The following TSPAN15 variants were observed in gnomAD, a reference collection of about 807,000 sequenced individuals.
The protein encoded by TSPAN15 is tetraspanin-15.
A neutral mutation model predicts 34.5 loss-of-function variants in TSPAN15; 20 were observed. The observed-to-expected ratio is 0.58, with a 90% confidence interval of 0.41 to 0.84. The LOEUF (loss-of-function observed/expected upper bound fraction) is 0.84, where lower values mean the gene tolerates loss of function less well. TSPAN15 is among the 40% of genes least tolerant of loss of function. The pLI is 0.00. For missense variants in TSPAN15, 313 were observed against 386.1 expected (o/e 0.81, Z 1.59); for synonymous variants, 155 against 153.9 (o/e 1.01, Z -0.05).
chr10:69,479,268 C>T (rs1841680719), intron 1 of TSPAN15, among the ~76,000 whole-genome samples: 1 of 152,232 alleles, frequency 6.6e-6, no homozygotes, highest in Admixed American at 6.5e-5. Context: ...CTTCAGGAGG[C>T]ACAGGTGCTG....
At chr10:69,479,491 C>T (rs1263722829) in intron 1 of TSPAN15, among the ~76,000 whole-genome samples, 1 of 152,232 alleles carries the variant, frequency 6.6e-6, no homozygotes, top group African/African-American at 2.4e-5. Flanking sequence ...ACGCACTTTC[C>T]CTCTTTGGCC....
rs1842028498 is a variant in TSPAN15, at chr10:69,494,182, C to T, written c.358-1412C>T. On this transcript the variant is annotated intron_variant, in intron 3 of 7. Coordinates refer to ENST00000373290, the MANE Select transcript of TSPAN15 (RefSeq NM_012339.5). ...CAGGGTGTTGTGAGAGTGGGGTTGG[C>T]CAGGACTCGTGCCTCAGAGGCTGCC... Among the ~76,000 whole-genome samples, 4 of 152,248 alleles carry T rather than the reference C, an allele frequency of 2.6e-5. No individual in the cohort carries two copies. The South Asian group carries it at 8.3e-4, about 32-fold the overall frequency.
the TSPAN15 span, among the ~76,000 whole-genome samples, chr10:69,531,951 CA>C: frequency 0.011 from 1,585 of 144,890 alleles, 27 homozygotes; most frequent in African/African-American, 0.036. Flanking sequence ...AAAAAAAAAA[CA>C]AAAAAAAAAC....
At chr10:69,477,494 T>C (rs988031951) in intron 1 of TSPAN15, among the ~76,000 whole-genome samples, 18 of 152,178 alleles carry the variant, frequency 1.2e-4, no homozygotes, top group African/African-American at 4.3e-4. Context: ...AGAGATGCTC[T>C]AGACTTGTGC....
At chr10:69,476,945 C>T (rs1434782479) in intron 1 of TSPAN15, among the ~76,000 whole-genome samples, 5 of 152,080 alleles carry the variant, frequency 3.3e-5, no homozygotes, top group East Asian at 1.9e-4. Context: ...GGCCCTTTAG[C>T]GGTTTGGATT....
chr10:69,538,051 T>G, the TSPAN15 span, among the ~76,000 whole-genome samples: 2 of 152,220 alleles, frequency 1.3e-5, no homozygotes, highest in Non-Finnish European at 2.9e-5. Context: ...GAGGAAGCCC[T>G]GGAGTCTCTT....
chr10:69,548,689 G>C, the TSPAN15 span, among the ~76,000 whole-genome samples: 1 of 152,004 alleles, frequency 6.6e-6, no homozygotes, highest in Non-Finnish European at 1.5e-5. Context: ...GATTTTTACA[G>C]AGAAAGTTTC....
At chr10:69,459,635 G>T (rs1841199525) in intron 1 of TSPAN15, among the ~76,000 whole-genome samples, 1 of 152,180 alleles carries the variant, frequency 6.6e-6, no homozygotes. Context: ...CTGCGCTGTG[G>T]GTGGAGAGGG....
chr10:69,488,057 G>C (rs999543080), intron 3 of TSPAN15, among the ~76,000 whole-genome samples: 3 of 152,088 alleles, frequency 2.0e-5, no homozygotes, highest in Non-Finnish European at 4.4e-5. Context: ...GAAAAAAATA[G>C]GTCTACAAAA....
At chr10:69,469,365 A>G (rs142127799) in intron 1 of TSPAN15, among the ~76,000 whole-genome samples, 257 of 152,318 alleles carry the variant, frequency 1.7e-3, no homozygotes, top group African/African-American at 5.6e-3. Flanking sequence ...CAAATTATCA[A>G]ACTTGGAGAA....
the TSPAN15 span, among the ~76,000 whole-genome samples, chr10:69,543,495 CT>C: frequency 1.3e-5 from 2 of 152,182 alleles, no homozygotes; most frequent in Non-Finnish European, 2.9e-5. Flanking sequence ...TCCAAGGGGA[CT>C]ACTAGCAGCC....
chr10:69,542,558 C>T, the TSPAN15 span, among the ~76,000 whole-genome samples: 1 of 152,176 alleles, frequency 6.6e-6, no homozygotes, highest in East Asian at 1.9e-4. Context: ...CATGGTTCTG[C>T]AGGGCTGGGG....
At chr10:69,544,602 T>G in the TSPAN15 span, among the ~76,000 whole-genome samples, 1 of 152,326 alleles carries the variant, frequency 6.6e-6, no homozygotes, top group East Asian at 1.9e-4. Flanking sequence ...TGCCCTTAAC[T>G]TTGGTTGCCC....
chr10:69,525,302 G>C, the TSPAN15 span, among the ~76,000 whole-genome samples: 1 of 147,476 alleles, frequency 6.8e-6, no homozygotes, highest in Non-Finnish European at 1.5e-5. Flanking sequence ...CTTACAGGAT[G>C]CATTTAAAAC....
chr10:69,513,470 G>A, the TSPAN15 span, among the ~76,000 whole-genome samples: 2 of 152,080 alleles, frequency 1.3e-5, no homozygotes, highest in Non-Finnish European at 2.9e-5. Flanking sequence ...GCCTCCTAAA[G>A]TGCTGGGATT....
intron 1 of TSPAN15, among the ~76,000 whole-genome samples, chr10:69,469,069 TGG>T (rs1216068755): frequency 6.3e-5 from 1 of 15,972 alleles, no homozygotes; most frequent in Non-Finnish European, 1.3e-4. Flanking sequence ...AGGGTGAGGG[TGG>T]GGGTGGGGGT....
At chr10:69,520,640 A>G in the TSPAN15 span, among the ~76,000 whole-genome samples, 1 of 152,226 alleles carries the variant, frequency 6.6e-6, no homozygotes, top group Admixed American at 6.5e-5. Flanking sequence ...TGGGCGACAG[A>G]GCAAGACCTT....
At chr10:69,514,359 T>C in the TSPAN15 span, among the ~76,000 whole-genome samples, 1 of 152,238 alleles carries the variant, frequency 6.6e-6, no homozygotes, top group Non-Finnish European at 1.5e-5. Flanking sequence ...ATCAGAGTCA[T>C]GCTGGCTTCA....
chr10:69,543,254 G>T, the TSPAN15 span, among the ~76,000 whole-genome samples: 4 of 152,198 alleles, frequency 2.6e-5, no homozygotes, highest in East Asian at 3.9e-4. Flanking sequence ...GATTCCAAAG[G>T]GGGGTAAGAC....
Sources: gnomAD v4.1 joint callset for allele counts (sites outside exome capture counted in the v4.1 genomes callset) on GRCh38, gnomAD v4.1.1 for gene constraint, MANE v1.5 for transcripts, NCBI Gene and HGNC (gene_info 2026-07-23, HGNC 2026-07-21) for gene names.